OGDHL: variants seen among roughly 807,000 people sequenced by gnomAD.
OGDHL encodes the protein 2-oxoglutarate dehydrogenase-like, mitochondrial.
In OGDHL, 79 loss-of-function variants were observed where a neutral mutation model predicts 109.6. That is an observed-to-expected ratio of 0.72 (90% CI 0.60 to 0.87). The LOEUF (loss-of-function observed/expected upper bound fraction) is 0.87. Ranked by LOEUF, OGDHL falls within the 40% of genes least tolerant of loss-of-function variation. The probability of loss-of-function intolerance (pLI) is 0.00; values close to 1 mark genes in which losing one functional copy is unlikely to be tolerated. For missense variants in OGDHL, 1,275 were observed against 1,362.2 expected (o/e 0.94, Z 1.01); for synonymous variants, 528 against 537.2 (o/e 0.98, Z 0.24).
At chr10:49,755,672 G>C (rs1311973511) in intron 3 of OGDHL, among the ~76,000 whole-genome samples, 2 of 152,126 alleles carry the variant, frequency 1.3e-5, no homozygotes, top group African/African-American at 4.8e-5. Flanking sequence ...GCACAACAGA[G>C]TAACACACCT....
chr10:49,746,093 G>T, intron 10 of OGDHL, 116 bp from the exon 11 acceptor site: 1 of 1,180,766 alleles, frequency 8.5e-7, no homozygotes, highest in Non-Finnish European at 1.2e-6. Flanking sequence ...TGCCCAGGAG[G>T]AATGTGGGAC....
At chr10:49,748,742 C>CACA (rs1842373583) in intron 8 of OGDHL, among the ~76,000 whole-genome samples, 2 of 133,884 alleles carry the variant, frequency 1.5e-5, no homozygotes, top group Non-Finnish European at 3.2e-5. Flanking sequence ...AGGTATGGGT[C>CACA]CACACACACA....
intron 14 of OGDHL, among the ~76,000 whole-genome samples, chr10:49,743,271 C>T (rs376511504): frequency 1.9e-4 from 29 of 152,244 alleles, no homozygotes; most frequent in African/African-American, 6.0e-4. Context: ...TCAAGGTACA[C>T]GGATTTGACT....
chr10:49,749,859 G>A (rs1475604525), intron 7 of OGDHL, 43 bp from the exon 8 acceptor site: 2 of 1,525,264 alleles, frequency 1.3e-6, no homozygotes, highest in Admixed American at 1.9e-5. Flanking sequence ...AAAGCCCGCA[G>A]GCCTCAGGGT....
rs554925309 is a variant in OGDHL, at chr10:49,752,554, G to A, written c.478+84C>T. ...TCCCCGAGCTCCATGGATTCCCAAGGATCAGGCTGTCCCTAGTGCCCGTGG... is the reference window on the plus strand; with the variant it reads ...TCCCCGAGCTCCATGGATTCCCAAGAATCAGGCTGTCCCTAGTGCCCGTGG... On this transcript the variant is annotated intron_variant, in intron 4 of 22. Transcript: ENST00000374103. 51 of 1,169,314 alleles carry A rather than the reference G, an allele frequency of 4.4e-5. No homozygotes were observed. In the East Asian group the frequency reaches 5.1e-4, roughly 12 times the overall value. 72.4% of individuals were successfully genotyped at this position (1,169,314 alleles called of 1,614,324 possible).
intron 17 of OGDHL, 96 bp from the exon 18 acceptor site, chr10:49,738,358 C>A: frequency 7.5e-7 from 1 of 1,338,940 alleles, no homozygotes; most frequent in South Asian, 1.2e-5. Context: ...GTCTGGAGGG[C>A]TTCTCAGCAG....
chr10:49,741,094 G>A (rs1841620514), intron 15 of OGDHL, among the ~76,000 whole-genome samples: 2 of 152,082 alleles, frequency 1.3e-5, no homozygotes, highest in Non-Finnish European at 2.9e-5. Flanking sequence ...CGCACTGGGG[G>A]GTCTGGGGGA....
chr10:49,745,357 A>G lies in OGDHL; in HGVS notation c.1616T>C (p.Leu539Pro). 6.2e-7 allele frequency: 1 copy of G among 1,613,850 alleles called. No homozygotes were observed. The highest frequency in any genetic ancestry group is 8.5e-7 in the Non-Finnish European group (1 of 1,180,004). ...DKLIAEGTVTLQEFEEEIAKY... is the reference protein window; with the variant it reads ...DKLIAEGTVTPQEFEEEIAKY... The stretch of plus-strand genomic sequence containing the variant: ...CTGCCTGCCCACCTCAAACTCCTGC[A>G]GGGTGACTGTGCCCTCGGCAATCAG... Residue 539 changes from leucine to proline, a missense_variant, in exon 12 of 23, where the codon CTG becomes CCG. Transcript: ENST00000374103.
chr10:49,752,626 G>C lies in OGDHL; in HGVS notation c.478+12C>G. 6.2e-7 allele frequency: 1 copy of C among 1,611,258 alleles called. No individual in the cohort carries two copies. Among genetic ancestry groups the C allele is most frequent in the Non-Finnish European group, 8.5e-7 (1 of 1,177,342 alleles). On this transcript the variant is annotated intron_variant, in intron 4 of 22. Transcript: ENST00000374103. Reference sequence around the variant, plus strand: ...ACAGCACTGCCATGGCCGTCCTGAGGAAGGGTCTTACCCAGTTTATCAATG... The same window carrying C: ...ACAGCACTGCCATGGCCGTCCTGAGCAAGGGTCTTACCCAGTTTATCAATG...
intron 17 of OGDHL, chr10:49,738,915 C>G (rs1841425527): frequency 6.5e-6 from 1 of 153,604 alleles, no homozygotes; most frequent in African/African-American, 2.4e-5. Context: ...CCAGCCTGGC[C>G]CAGATCTGGC....
intron 1 of OGDHL, among the ~76,000 whole-genome samples, chr10:49,760,290 C>A (rs992272038): frequency 6.6e-6 from 1 of 152,228 alleles, no homozygotes; most frequent in Admixed American, 6.5e-5. Flanking sequence ...GCCCAGCCCA[C>A]GAGCCAGTGA....
At chr10:49,750,796 G>A in intron 7 of OGDHL, 43 bp downstream of exon 7, 3 of 1,561,180 alleles carry the variant, frequency 1.9e-6, no homozygotes, top group Non-Finnish European at 2.6e-6. Flanking sequence ...TGTCCCCTGG[G>A]CTGGAGGAGA....
Position 49,746,787 on chromosome 10 carries a change from G to A in OGDHL, c.1259C>T (p.Thr420Met), listed in dbSNP as rs755634351. 3.5e-5 allele frequency: 56 copies of A among 1,614,066 alleles called. No individual in the cohort carries two copies. The highest frequency in any genetic ancestry group is 1.6e-4 in the Middle Eastern group (1 of 6,084). The change falls in exon 10 of 23, where the codon ACG becomes ATG. Residue 420 changes from threonine to methionine, a missense_variant. Coordinates refer to ENST00000374103, the MANE Select transcript of OGDHL (RefSeq NM_018245.3). ...TFHLSDLPSY[T>M]TNGTVHVVVN... ...GACGACGTGCACGGTACCATTGGTC[G>A]TGTAGGAGGGCAGGTCGCTCAGGTG...
intron 20 of OGDHL, among the ~76,000 whole-genome samples, chr10:49,736,965 T>C (rs1444688899): frequency 6.6e-6 from 1 of 152,108 alleles, no homozygotes; most frequent in Non-Finnish European, 1.5e-5. Context: ...GAGCTTCACC[T>C]CCAAGCCCCA....
intron 7 of OGDHL, among the ~76,000 whole-genome samples, chr10:49,750,608 A>G (rs1842519580): frequency 6.6e-6 from 1 of 152,184 alleles, no homozygotes; most frequent in Admixed American, 6.5e-5. Context: ...ATGGCCAGGG[A>G]GAGAGGGTGC....
rs1841989290 is a variant in OGDHL at position 49,743,984 on chromosome 10, G to A, written c.1861+10C>T. ...AGCAGCCTGGGCTGCAGCCTGTCCA[G>A]CAACCTCACCAGTGTGGATCTTAAA... On this transcript the variant is annotated intron_variant, in intron 14 of 22. Transcript: ENST00000374103. 1.2e-6 allele frequency: 2 copies of A among 1,610,716 alleles called. No homozygotes were observed. Among genetic ancestry groups the A allele is most frequent in the African/African-American group, 1.3e-5 (1 of 74,872 alleles).
intron 3 of OGDHL, among the ~76,000 whole-genome samples, chr10:49,755,829 C>T (rs1371522542): frequency 6.6e-6 from 1 of 152,250 alleles, no homozygotes. Flanking sequence ...ATTTAATATA[C>T]AGTTTTACAT....
intron 3 of OGDHL, among the ~76,000 whole-genome samples, chr10:49,755,845 T>C (rs1842884228): frequency 6.6e-6 from 1 of 152,262 alleles, no homozygotes; most frequent in Non-Finnish European, 1.5e-5. Context: ...TACATCCTTG[T>C]TCTTCATTTT....
chr10:49,735,912 T>A, intron 22 of OGDHL, 111 bp downstream of exon 22: 1 of 1,230,890 alleles, frequency 8.1e-7, no homozygotes, highest in Non-Finnish European at 1.1e-6. Flanking sequence ...TCATTGCTCA[T>A]CACCAGAGAA....
Sources: allele counts gnomAD v4.1 joint callset (sites outside exome capture counted in the v4.1 genomes callset), GRCh38; gene constraint gnomAD v4.1.1; transcripts MANE v1.5; gene names NCBI Gene and HGNC (gene_info 2026-07-23, HGNC 2026-07-21).